HECA: variants seen among roughly 807,000 people sequenced by gnomAD.
HECA encodes the protein HECA ribonucleoprotein granule regulator.
HECA carries 13 observed loss-of-function variants against 37.6 expected under a neutral mutation model. The ratio of observed to expected loss-of-function variants is 0.35; its 90% CI spans 0.23 to 0.55. The LOEUF (loss-of-function observed/expected upper bound fraction) is 0.55. Among genes scored for constraint, HECA ranks in the 20% least tolerant of loss-of-function variants. The probability of loss-of-function intolerance (pLI) is 0.90; values close to 1 mark genes in which losing one functional copy is unlikely to be tolerated. For missense variants in HECA, 527 were observed against 701.9 expected, an observed-to-expected ratio of 0.75 and a Z score of 2.82; for synonymous variants, 307 against 291.5, an observed-to-expected ratio of 1.05 and a Z score of -0.54.
chr6:139,177,096 A>C lies in HECA; in HGVS notation c.1623A>C (p.Glu541Asp). Residue 541 changes from glutamate (E) to aspartate (D), a missense_variant, in exon 4 of 4, where the codon GAA becomes GAC. Around this residue, in one of 4 missense-constraint regions of HECA, gnomAD observed 106 missense variants for 193.4 expected, o/e 0.55. Transcript: ENST00000367658. The surrounding 1 kb of genome is among the most constrained non-coding windows in gnomAD (Gnocchi z 4.9). ...VKPFSSFKVLEAY is the reference protein window; with the variant it reads ...VKPFSSFKVLDAY Reference sequence around the variant, plus strand: ...CATTTTCCTCCTTCAAAGTTCTCGAAGCTTATTGATGAAAGCTTTGCTTTA... The same window carrying C: ...CATTTTCCTCCTTCAAAGTTCTCGACGCTTATTGATGAAAGCTTTGCTTTA... 1 of 851,674 alleles carries C rather than the reference A, an allele frequency of 1.2e-6. No individual in the cohort carries two copies. The highest frequency in any genetic ancestry group is 2.1e-6 in the Non-Finnish European group (1 of 484,392). 52.8% of individuals were successfully genotyped at this position (851,674 alleles called of 1,614,324 possible).
At chr6:139,147,531 G>A (rs1239928816) in intron 1 of HECA, among the ~76,000 whole-genome samples, 1 of 152,124 alleles carries the variant, frequency 6.6e-6, no homozygotes, top group African/African-American at 2.4e-5. Flanking sequence ...AGGCTGAGGT[G>A]GGAGGATCGC....
chr6:139,175,948 T>C (rs1775046151), intron 3 of HECA, among the ~76,000 whole-genome samples: 1 of 152,174 alleles, frequency 6.6e-6, no homozygotes, highest in African/African-American at 2.4e-5. Flanking sequence ...TTTAAAAAAA[T>C]CAGTGAGGAT....
chr6:139,136,057 T>G (rs1253878060), intron 1 of HECA, among the ~76,000 whole-genome samples: 1 of 151,432 alleles, frequency 6.6e-6, no homozygotes, highest in Admixed American at 6.6e-5. Context: ...TAGGCACCGG[T>G]TAATTCTTCC....
At position 139,141,023 on chromosome 6, in the gene HECA, A is replaced by T. The variant is rs969800363; in HGVS notation, c.271+5356A>T. 3.3e-5 allele frequency among the ~76,000 whole-genome samples: 5 copies of T among 152,172 alleles called. No individual in the cohort carries two copies. In the East Asian group the frequency reaches 9.6e-4, roughly 29 times the overall value. Reference sequence around the variant, plus strand: ...GCCAGGATGGTCTTGATCTCCTGACATCGAGATCCGCCCACCTCGGCCTCC... The same window carrying T: ...GCCAGGATGGTCTTGATCTCCTGACTTCGAGATCCGCCCACCTCGGCCTCC... On this transcript the variant is annotated intron_variant, in intron 1 of 3. Transcript: ENST00000367658.
intron 1 of HECA, among the ~76,000 whole-genome samples, chr6:139,136,085 C>T (rs1440386883): frequency 6.6e-6 from 1 of 151,876 alleles, no homozygotes; most frequent in Non-Finnish European, 1.5e-5. Context: ...CCAAGGCCAC[C>T]CGTAACCCCC....
chr6:139,166,787 G>A lies in HECA; in HGVS notation c.775G>A (p.Ala259Thr), dbSNP rs1412439677. Residue 259 changes from alanine to threonine, a missense_variant, in exon 2 of 4, where the codon GCC becomes ACC. Physicochemically the swap from Ala to Thr is moderately conservative, Grantham distance 58 (BLOSUM62 0). Coordinates refer to ENST00000367658, the MANE Select transcript of HECA (RefSeq NM_016217.3). ...NSQEKAVGAA[A>T]YGARSPGGSP... ...CCAGGAGAAGGCAGTGGGTGCCGCA[G>A]CCTACGGTGCCCGTTCCCCCGGTGG... 2 of 1,613,664 alleles carry A rather than the reference G, an allele frequency of 1.2e-6. No individual in the cohort carries two copies. The highest frequency in any genetic ancestry group is 1.7e-5 in the Admixed American group (1 of 60,004).
At chr6:139,155,061 G>A (rs1562245094) in intron 1 of HECA, among the ~76,000 whole-genome samples, 1 of 152,156 alleles carries the variant, frequency 6.6e-6, no homozygotes, top group Non-Finnish European at 1.5e-5. Context: ...GTCATTTGGC[G>A]ATTTCATCAT....
intron 1 of HECA, among the ~76,000 whole-genome samples, chr6:139,139,217 A>T (rs1240879771): frequency 1.3e-5 from 2 of 152,140 alleles, no homozygotes; most frequent in Non-Finnish European, 2.9e-5. Context: ...TTGGCTTTCC[A>T]TTTGGTGGAC....
chr6:139,147,562 T>C (rs1410508740), intron 1 of HECA, among the ~76,000 whole-genome samples: 1 of 152,180 alleles, frequency 6.6e-6, no homozygotes, highest in Non-Finnish European at 1.5e-5. Flanking sequence ...GAGGAAAGGC[T>C]TGCAGTGAGC....
chr6:139,175,786 A>G lies in HECA; in HGVS notation c.1468-1155A>G, dbSNP rs1302083285. Among the ~76,000 whole-genome samples the G allele has an allele frequency of 2.0e-5, 3 of 152,174 alleles. No homozygotes were observed. The East Asian group carries it at 5.8e-4, about 29-fold the overall frequency. On this transcript the variant is annotated intron_variant, in intron 3 of 3. Coordinates refer to ENST00000367658, the MANE Select transcript of HECA (RefSeq NM_016217.3). Reference sequence around the variant, plus strand: ...ATTGAAAGGCAATGAGATTATTTCCATGTCTTTAGGAGGAAAAACAGAACA... The same window carrying G: ...ATTGAAAGGCAATGAGATTATTTCCGTGTCTTTAGGAGGAAAAACAGAACA...
rs1223762764 is a variant in HECA at position 139,166,663 on chromosome 6, G to T, written c.651G>T (p.Glu217Asp). 1 of 1,614,038 alleles carries T rather than the reference G, an allele frequency of 6.2e-7. No individual in the cohort carries two copies. Among genetic ancestry groups the T allele is most frequent in the East Asian group, 2.2e-5 (1 of 44,882 alleles). The change falls in exon 2 of 4, where the codon GAG becomes GAT. Residue 217 changes from glutamate (E) to aspartate (D), a missense_variant. By Grantham distance (45) the Glu-to-Asp change is conservative (BLOSUM62 2). Transcript: ENST00000367658. ...AGAACACAGGGAGGCCTCCTGGTGA[G>T]GCGGCGGAGGAGGCAAAAAAGTGCA... ...SEKNTGRPPG[E>D]AAEEAKKCRP...
chr6:139,155,237 A>G (rs1218007474), intron 1 of HECA, among the ~76,000 whole-genome samples: 1 of 152,254 alleles, frequency 6.6e-6, no homozygotes, highest in Non-Finnish European at 1.5e-5. Context: ...ATACAGAAAC[A>G]TAGAAAAGGC....
chr6:139,142,591 C>G (rs953646302), intron 1 of HECA, among the ~76,000 whole-genome samples: 1 of 152,054 alleles, frequency 6.6e-6, no homozygotes, highest in Non-Finnish European at 1.5e-5. Flanking sequence ...CAGATGCTGT[C>G]GTACATAGGG....
In HECA at chr6:139,177,251, T is replaced by C; in HGVS notation, c.*146T>C. 1.8e-6 allele frequency: 1 copy of C among 557,068 alleles called. No homozygotes were observed. The highest frequency in any genetic ancestry group is 2.6e-5 in the South Asian group (1 of 38,696). 34.5% of individuals were successfully genotyped at this position (557,068 alleles called of 1,614,324 possible). On this transcript the variant is annotated 3_prime_UTR_variant, in exon 4 of 4. Transcript: ENST00000367658. The surrounding 1 kb of genome is among the most constrained non-coding windows in gnomAD (Gnocchi z 4.9). ...GTATGTGTGCCACTAAAATAGGGGCTGCCCTTGCCCTGTCTTGATTCCCGA... is the reference window on the plus strand; with the variant it reads ...GTATGTGTGCCACTAAAATAGGGGCCGCCCTTGCCCTGTCTTGATTCCCGA...
intron 2 of HECA, among the ~76,000 whole-genome samples, chr6:139,170,978 C>CT (rs905808612): frequency 1.3e-5 from 2 of 151,886 alleles, no homozygotes; most frequent in African/African-American, 4.8e-5. Flanking sequence ...ACAAAATTCA[C>CT]TTTGTTTCTA....
chr6:139,177,328 G>T lies in HECA; in HGVS notation c.*223G>T. On this transcript the variant is annotated 3_prime_UTR_variant, in exon 4 of 4. Coordinates refer to ENST00000367658, the MANE Select transcript of HECA (RefSeq NM_016217.3). The surrounding 1 kb of genome is among the most constrained non-coding windows in gnomAD (Gnocchi z 4.9). ...CCCAGATGGGTAATCCTGTGCATTT[G>T]GGTTGGGGTTCACTCTTACCAAGAA... The T allele has an allele frequency of 5.5e-6, 2 of 366,482 alleles. No homozygotes were observed. Among genetic ancestry groups the T allele is most frequent in the Admixed American group, 4.1e-5 (1 of 24,230 alleles). The allele number at this position is 366,482 out of a possible 1,614,324, so 22.7% of individuals were successfully genotyped here. A position where few individuals can be genotyped will look rare whatever the true frequency, so the allele number is the denominator to read the frequency against.
chr6:139,161,941 A>G (rs1774809935), intron 1 of HECA, among the ~76,000 whole-genome samples: 1 of 152,132 alleles, frequency 6.6e-6, no homozygotes, highest in Non-Finnish European at 1.5e-5. Flanking sequence ...CCACTCTTCT[A>G]CTTCTTTTTG....
At chr6:139,152,363 A>G (rs534748482) in intron 1 of HECA, among the ~76,000 whole-genome samples, 3 of 152,124 alleles carry the variant, frequency 2.0e-5, no homozygotes, top group Admixed American at 1.3e-4. Context: ...AGAACAGACT[A>G]AATATATTAA....
At chr6:139,174,174 A>C (rs1425038891) in intron 2 of HECA, among the ~76,000 whole-genome samples, 1 of 152,204 alleles carries the variant, frequency 6.6e-6, no homozygotes, top group African/African-American at 2.4e-5. Flanking sequence ...AATATGCTTG[A>C]ACTTAAAATA....
Sources: allele counts gnomAD v4.1 joint callset (sites outside exome capture counted in the v4.1 genomes callset), GRCh38; gene constraint gnomAD v4.1.1; regional missense constraint gnomAD v4.1.1; non-coding constraint Gnocchi (gnomAD v3.1); transcripts MANE v1.5; gene names NCBI Gene and HGNC (gene_info 2026-07-23, HGNC 2026-07-21).